The following STAB1 variants were observed in gnomAD, a reference collection of about 807,000 sequenced individuals.
The protein encoded by STAB1 is stabilin-1.
Under a neutral mutation model 332.4 loss-of-function variants are expected in STAB1, and 250 were observed. The observed-to-expected ratio is 0.75, with a 90% CI of 0.68 to 0.84. The LOEUF is 0.84. STAB1 is among the 40% of genes least tolerant of loss of function. The pLI, the probability that STAB1 is intolerant of heterozygous loss-of-function variation, is 0.00. For synonymous variants in STAB1, 1,475 were observed against 1,390.4 expected, an observed-to-expected ratio of 1.06 and a Z score of -1.35; for missense variants, 3,249 against 3,489.7, an observed-to-expected ratio of 0.93 and a Z score of 1.74.
intron 14 of STAB1, 103 bp from the exon 15 acceptor site, chr3:52,505,565 C>T: frequency 7.9e-7 from 1 of 1,271,822 alleles, no homozygotes; most frequent in Non-Finnish European, 1.1e-6. Flanking sequence ...CTCCCCCTTA[C>T]TCAGTGGGAG....
chr3:52,512,442 G>A lies in STAB1; in HGVS notation c.2979+6G>A. ...GTTATGGAGACATCTTCCGGGTAAG[G>A]GGTGCTCAGACTCGTTTTCTGTCTT... On this transcript the variant is annotated splice_donor_region_variant and intron_variant, in intron 27 of 68. Coordinates refer to ENST00000321725, the MANE Select transcript of STAB1 (RefSeq NM_015136.3). 4 of 1,610,540 alleles carry A rather than the reference G, an allele frequency of 2.5e-6. No homozygotes were observed. Among genetic ancestry groups the A allele is most frequent in the Non-Finnish European group, 3.4e-6 (4 of 1,178,200 alleles).
rs2078810041 is a variant in STAB1, at chr3:52,514,988, G to C, written c.3808-1G>C. ...TGATGCCCCACCCTTTTTCCCTCTA[G>C]GAGAAATGTGTAAACTGCACCAGGA... On this transcript the variant is annotated splice_acceptor_variant, in intron 35 of 68. Transcript: ENST00000321725. LOFTEE classifies it high-confidence loss of function. 6.2e-7 allele frequency: 1 copy of C among 1,613,512 alleles called. No homozygotes were observed. Among genetic ancestry groups the C allele is most frequent in the Non-Finnish European group, 8.5e-7 (1 of 1,179,996 alleles).
In STAB1 at chr3:52,512,449, C is replaced by A; in HGVS notation, c.2979+13C>A. The A allele has an allele frequency of 6.2e-7, 1 of 1,610,118 alleles. No individual in the cohort carries two copies. The highest frequency in any genetic ancestry group is 2.2e-5 in the East Asian group (1 of 44,830). On this transcript the variant is annotated intron_variant, in intron 27 of 68. Coordinates refer to ENST00000321725, the MANE Select transcript of STAB1 (RefSeq NM_015136.3). ...AGACATCTTCCGGGTAAGGGGTGCT[C>A]AGACTCGTTTTCTGTCTTCCCCGTG...
rs1172650040 is a variant in STAB1, at chr3:52,503,756, C to T, written c.892-16C>T. On this transcript the variant is annotated splice_polypyrimidine_tract_variant and intron_variant, in intron 8 of 68. Coordinates refer to ENST00000321725, the MANE Select transcript of STAB1 (RefSeq NM_015136.3). Reference sequence around the variant, plus strand: ...GGTTGGACGTGGTGTTCCCCTCCTGCCCTGTCGGGGGCCAGGCCTTCTGCA... The same window carrying T: ...GGTTGGACGTGGTGTTCCCCTCCTGTCCTGTCGGGGGCCAGGCCTTCTGCA... 1.9e-6 allele frequency: 3 copies of T among 1,612,836 alleles called. No homozygotes were observed. The highest frequency in any genetic ancestry group is 2.5e-6 in the Non-Finnish European group (3 of 1,179,954).
intron 57 of STAB1, 38 bp downstream of exon 57, chr3:52,521,738 G>A (rs752225825): frequency 1.2e-5 from 20 of 1,611,102 alleles, no homozygotes; most frequent in Non-Finnish European, 1.7e-5. Context: ...CTACACACTT[G>A]TGTACATGTG....
chr3:52,512,589 C>T lies in STAB1; in HGVS notation c.2980-7C>T, dbSNP rs763975984. On this transcript the variant is annotated splice_region_variant and splice_polypyrimidine_tract_variant and intron_variant, in intron 27 of 68. Transcript: ENST00000321725. Reference sequence around the variant, plus strand: ...TCCTGTGACCTCAGACTTTTCCCTTCCCTTAGGAGCTGGAGGCAAATGCCC... The same window carrying T: ...TCCTGTGACCTCAGACTTTTCCCTTTCCTTAGGAGCTGGAGGCAAATGCCC... 1 of 1,613,928 alleles carries T rather than the reference C, an allele frequency of 6.2e-7. No individual in the cohort carries two copies. Among genetic ancestry groups the T allele is most frequent in the Non-Finnish European group, 8.5e-7 (1 of 1,180,014 alleles).
chr3:52,506,743 A>G lies in STAB1; in HGVS notation c.1882A>G (p.Met628Val). The change falls in exon 18 of 69, where the codon ATG becomes GTG. Residue 628 changes from methionine (M) to valine (V), a missense_variant. Transcript: ENST00000321725. The part of the protein sequence containing the change: ...EGVPLQRVDV[M>V]AANGVIHMLD... Reference sequence around the variant, plus strand: ...GGTCCCGCTGCAGAGGGTAGACGTGATGGCCGCCAATGGTGTGATCCACAT... The same window carrying G: ...GGTCCCGCTGCAGAGGGTAGACGTGGTGGCCGCCAATGGTGTGATCCACAT... 5 of 1,612,608 alleles carry G rather than the reference A, an allele frequency of 3.1e-6. No homozygotes were observed. The highest frequency in any genetic ancestry group is 4.2e-6 in the Non-Finnish European group (5 of 1,179,562).
chr3:52,506,648 A>G, intron 17 of STAB1, 44 bp from the exon 18 acceptor site: 1 of 1,566,120 alleles, frequency 6.4e-7, no homozygotes, highest in Non-Finnish European at 8.6e-7. Flanking sequence ...CACCGGGCCA[A>G]GGCCAGCCAG....
At chr3:52,505,459 C>A in intron 14 of STAB1, 78 bp downstream of exon 14, 1 of 1,461,242 alleles carries the variant, frequency 6.8e-7, no homozygotes, top group Non-Finnish European at 9.4e-7. Flanking sequence ...AGATTCTGCC[C>A]CACAGTGACC....
In STAB1 at chr3:52,520,965, G is replaced by A; in HGVS notation, c.5868G>A (p.Lys1956=). 6.3e-7 allele frequency: 1 copy of A among 1,576,152 alleles called. No homozygotes were observed. ...CHRNCVTTTW[K]PSCCPGHYGS... Reference sequence around the variant, plus strand: ...GCAATTGTGTCACCACCACCTGGAAGCCCAGCTGCTGCCCTGGTCACTATG... The same window carrying A: ...GCAATTGTGTCACCACCACCTGGAAACCCAGCTGCTGCCCTGGTCACTATG... The change falls in exon 55 of 69, where the codon AAG becomes AAA. Residue 1956 remains lysine (K), a synonymous_variant. Transcript: ENST00000321725.
In STAB1 at chr3:52,519,390, GC is replaced by G; in HGVS notation, c.5162del (p.Ala1721ValfsTer24). ...GGCGCTGCACTGGGAGCCTGATGAT[GC>G]TCCCATCCCGAGGGTATGACAAGCA... ...PEALHWEPDD[A>X]PIPRRNVTAA... On this transcript the variant is annotated frameshift_variant, in exon 49 of 69. Coordinates refer to ENST00000321725, the MANE Select transcript of STAB1 (RefSeq NM_015136.3). LOFTEE classifies it high-confidence loss of function. The G allele has an allele frequency of 6.2e-7, 1 of 1,613,076 alleles. No individual in the cohort carries two copies. Among genetic ancestry groups the G allele is most frequent in the Non-Finnish European group, 8.5e-7 (1 of 1,179,980 alleles).
In STAB1 at chr3:52,502,110, G is replaced by A. The variant is rs1559671293; in HGVS notation, c.417+19G>A. 1.2e-6 allele frequency: 2 copies of A among 1,613,664 alleles called. No individual in the cohort carries two copies. The highest frequency in any genetic ancestry group is 1.7e-6 in the Non-Finnish European group (2 of 1,180,014). ...GTGCCAGGTAAGGGCTGGGCAAGGT[G>A]GGGTGGAGGCTCAGAGGGGCCACGC... On this transcript the variant is annotated intron_variant, in intron 4 of 68. Coordinates refer to ENST00000321725, the MANE Select transcript of STAB1 (RefSeq NM_015136.3).
intron 17 of STAB1, 27 bp from the exon 18 acceptor site, chr3:52,506,665 G>A (rs1578376406): frequency 6.3e-7 from 1 of 1,590,048 alleles, no homozygotes. Flanking sequence ...CCAGGCTGGG[G>A]GTTGGCTCAG....
At chr3:52,515,991 CT>C in intron 37 of STAB1, 51 bp from the exon 38 acceptor site, 6 of 1,521,644 alleles carry the variant, frequency 3.9e-6, no homozygotes, top group Non-Finnish European at 5.3e-6. Flanking sequence ...CCCCTTCCCC[CT>C]GACACCTTGC....
chr3:52,513,035 G>A (rs544886972), intron 29 of STAB1, 77 bp downstream of exon 29: 3 of 1,565,000 alleles, frequency 1.9e-6, no homozygotes, highest in Non-Finnish European at 2.6e-6. Flanking sequence ...CCTCAGCCTG[G>A]CAGGCACTCA....
chr3:52,497,073 C>A (rs1274228254), intron 1 of STAB1, among the ~76,000 whole-genome samples: 8 of 152,180 alleles, frequency 5.3e-5, no homozygotes, highest in Admixed American at 3.9e-4. Context: ...GTGATCTCGG[C>A]TCAGTGAAAT....
At position 52,503,864 on chromosome 3, in the gene STAB1, G is replaced by A. The variant is rs1475314830; in HGVS notation, c.984G>A (p.Arg328=). The A allele has an allele frequency of 6.2e-7, 1 of 1,613,220 alleles. No homozygotes were observed. Among genetic ancestry groups the A allele is most frequent in the South Asian group, 1.1e-5 (1 of 91,088 alleles). Residue 328 remains arginine (R), a synonymous_variant, in exon 9 of 69, where the codon CGG becomes CGA. Transcript: ENST00000321725. ...TCTGCTCCCCCTTCTCCTGCGACCG[G>A]TCTGCCACTTGCCAGGTGACCGCTG... ...FAFCSPFSCD[R]SATCQVTADG... is the part of the protein sequence containing the mutation.
chr3:52,501,281 A>G lies in STAB1; in HGVS notation c.194A>G (p.Asp65Gly). Residue 65 changes from aspartate (D) to glycine (G), a missense_variant, in exon 2 of 69, where the codon GAT becomes GGT. By Grantham distance (94) the Asp-to-Gly change is moderately conservative. Coordinates refer to ENST00000321725, the MANE Select transcript of STAB1 (RefSeq NM_015136.3). ...CPSGWLRELP[D>G]QITQDCRYEV... ...TCAGGCTGGCTGCGGGAGCTCCCGG[A>G]TCAGATAACCCAGGACTGCCGGTGC... 6.2e-7 allele frequency: 1 copy of G among 1,613,396 alleles called. No homozygotes were observed. Among genetic ancestry groups the G allele is most frequent in the Non-Finnish European group, 8.5e-7 (1 of 1,179,998 alleles).
At chr3:52,501,528 C>T (rs967428606) in intron 2 of STAB1, 110 bp from the exon 3 acceptor site, 5 of 1,181,850 alleles carry the variant, frequency 4.2e-6, no homozygotes, top group African/African-American at 3.0e-5. Flanking sequence ...CAGCTCTGGG[C>T]CAGGCAGAGC....
Sources: gnomAD v4.1 joint callset for allele counts (sites outside exome capture counted in the v4.1 genomes callset) on GRCh38, gnomAD v4.1.1 for gene constraint, MANE v1.5 for transcripts, NCBI Gene and HGNC (gene_info 2026-07-23, HGNC 2026-07-21) for gene names.